TGFBR2: variants seen among roughly 807,000 people sequenced by gnomAD.
TGFBR2 encodes transforming growth factor beta receptor 2.
TGFBR2 carries 18 observed loss-of-function variants against 49.0 expected under a neutral mutation model. The observed-to-expected ratio is 0.37, with a 90% CI of 0.25 to 0.54. TGFBR2 has a LOEUF of 0.54. Ranked by LOEUF, TGFBR2 falls within the 20% of genes least tolerant of loss-of-function variation. TGFBR2 has a pLI of 0.85. For missense variants in TGFBR2, 525 were observed against 722.6 expected, an observed-to-expected ratio of 0.73 and a Z score of 3.13; for synonymous variants, 282 against 275.9, an observed-to-expected ratio of 1.02 and a Z score of -0.22.
chr3:30,651,297 T>C (rs1207770631), intron 3 of TGFBR2, among the ~76,000 whole-genome samples: 12 of 152,192 alleles, frequency 7.9e-5, no homozygotes, highest in Admixed American at 6.5e-5. Flanking sequence ...TCATCTGTAT[T>C]GACAATGTAT....
chr3:30,675,110 G>A (rs3773649), intron 5 of TGFBR2, among the ~76,000 whole-genome samples: 40,302 of 151,986 alleles, frequency 0.27, 5,552 homozygotes, highest in Admixed American at 0.35. Flanking sequence ...AACAGTTGAG[G>A]TCTACATTAC....
At chr3:30,634,491 TC>T (rs1698492321) in intron 1 of TGFBR2, among the ~76,000 whole-genome samples, 1 of 152,180 alleles carries the variant, frequency 6.6e-6, no homozygotes, top group South Asian at 2.1e-4. Flanking sequence ...TCTTATCCTG[TC>T]CCCCTTCCCT....
intron 1 of TGFBR2, among the ~76,000 whole-genome samples, chr3:30,622,834 C>T (rs1337242029): frequency 4.2e-5 from 5 of 120,118 alleles, no homozygotes; most frequent in Non-Finnish European, 4.8e-5. Flanking sequence ...GATCCGATAT[C>T]GCACCACTGC....
At chr3:30,649,207 G>C (rs531382013) in intron 2 of TGFBR2, among the ~76,000 whole-genome samples, 3 of 152,132 alleles carry the variant, frequency 2.0e-5, no homozygotes, top group African/African-American at 4.8e-5. Flanking sequence ...AAGACAACAG[G>C]TATTTTGCAT....
chr3:30,618,160 G>A (rs6802220), intron 1 of TGFBR2, among the ~76,000 whole-genome samples: 78,966 of 151,636 alleles, frequency 0.52, 21,658 homozygotes, highest in East Asian at 0.77. Flanking sequence ...TGAGTCTTTT[G>A]TCCACTGATT....
At chr3:30,634,446 T>C (rs1698490734) in intron 1 of TGFBR2, among the ~76,000 whole-genome samples, 1 of 152,200 alleles carries the variant, frequency 6.6e-6, no homozygotes, top group South Asian at 2.1e-4. Context: ...AAAAATTCCC[T>C]AGAAGAACTT....
chr3:30,606,624 A>G lies in TGFBR2; in HGVS notation c.-260A>G, dbSNP rs1482247843. On this transcript the variant is annotated 5_prime_UTR_variant, in exon 1 of 7. Coordinates refer to ENST00000295754, the MANE Select transcript of TGFBR2 (RefSeq NM_003242.6). ...TCACTCGCGCGCACGGAGCGACGAC[A>G]CCCCCGCGCGTGCACCCGCTCGGGA... is the stretch of plus-strand genomic sequence containing the variant. The G allele has an allele frequency of 1.1e-5, 4 of 360,334 alleles. No individual in the cohort carries two copies. Among genetic ancestry groups the G allele is most frequent in the Middle Eastern group, 7.2e-4 (1 of 1,398 alleles). 22.3% of individuals were successfully genotyped at this position (360,334 alleles called of 1,614,324 possible). A position where few individuals can be genotyped will look rare whatever the true frequency, so the allele number is the denominator to read the frequency against.
intron 3 of TGFBR2, among the ~76,000 whole-genome samples, chr3:30,666,634 C>A: frequency 8.3e-6 from 1 of 120,470 alleles, no homozygotes. Flanking sequence ...CAACCCCTAC[C>A]CCCCCATCCC....
intron 1 of TGFBR2, among the ~76,000 whole-genome samples, chr3:30,634,029 A>C (rs1177339064): frequency 1.3e-5 from 2 of 152,250 alleles, no homozygotes; most frequent in East Asian, 3.8e-4. Context: ...CAATATTTTC[A>C]CATGTTTAAT....
chr3:30,666,806 ATTT>A (rs5847639), intron 3 of TGFBR2, among the ~76,000 whole-genome samples: 1 of 147,522 alleles, frequency 6.8e-6, no homozygotes, highest in Non-Finnish European at 1.5e-5. Flanking sequence ...TGTCTGGCTA[ATTT>A]TTTTTTTTTT....
intron 6 of TGFBR2, among the ~76,000 whole-genome samples, chr3:30,690,622 C>T (rs1699693388): frequency 6.6e-6 from 1 of 152,092 alleles, no homozygotes; most frequent in Admixed American, 6.5e-5. Flanking sequence ...GGGTAATCAG[C>T]CCTGTTAAAA....
At chr3:30,665,327 T>C (rs1043152452) in intron 3 of TGFBR2, among the ~76,000 whole-genome samples, 4 of 152,206 alleles carry the variant, frequency 2.6e-5, no homozygotes, top group African/African-American at 4.8e-5. Context: ...AGAATACTTA[T>C]TTACTAAGTA....
intron 1 of TGFBR2, among the ~76,000 whole-genome samples, chr3:30,619,098 G>GA (rs201591500): frequency 1.4e-4 from 21 of 150,090 alleles, no homozygotes; most frequent in South Asian, 2.1e-4. Context: ...TACTTGGCAA[G>GA]AAAAAAAAAC....
rs905322537 is a variant in TGFBR2, at chr3:30,676,780, C to G, written c.1396+2534C>G. The stretch of plus-strand genomic sequence containing the variant: ...ACCTCACATGTTTTCCTGAGACCCC[C>G]GCATGGGGATGGCACTTCCTATCTA... On this transcript the variant is annotated intron_variant, in intron 5 of 6. Transcript: ENST00000295754. The surrounding 1 kb of genome is among the most constrained non-coding windows in gnomAD (Gnocchi z 4.3). Among the ~76,000 whole-genome samples the G allele has an allele frequency of 6.6e-6, 1 of 152,184 alleles. No homozygotes were observed. Among genetic ancestry groups the G allele is most frequent in the Non-Finnish European group, 1.5e-5 (1 of 68,036 alleles).
chr3:30,654,830 G>A (rs1698964708), intron 3 of TGFBR2, among the ~76,000 whole-genome samples: 1 of 152,222 alleles, frequency 6.6e-6, no homozygotes. Context: ...CACTGAACCT[G>A]TAAGAATCAA....
intron 1 of TGFBR2, among the ~76,000 whole-genome samples, chr3:30,619,149 C>G (rs1020442873): frequency 3.3e-5 from 5 of 151,990 alleles, no homozygotes; most frequent in African/African-American, 1.2e-4. Context: ...ATGGTGATTC[C>G]TGTTGCATCA....
In TGFBR2 at chr3:30,671,861, C is replaced by T. The variant is rs147111149; in HGVS notation, c.678C>T (p.Asp226=). The change falls in exon 4 of 7, where the codon GAC becomes GAT. Residue 226 remains aspartate, a synonymous_variant. Coordinates refer to ENST00000295754, the MANE Select transcript of TGFBR2 (RefSeq NM_003242.6). ...TCATCCTGGAAGATGACCGCTCTGA[C>T]ATCAGCTCCACGTGTGCCAACAACA... ...CAIILEDDRS[D]ISSTCANNIN... is the part of the protein sequence containing the mutation. 3.5e-5 allele frequency: 56 copies of T among 1,614,126 alleles called. No homozygotes were observed. In the African/African-American group the frequency reaches 6.5e-4, roughly 19 times the overall value.
intron 2 of TGFBR2, among the ~76,000 whole-genome samples, chr3:30,648,956 T>C (rs1281426923): frequency 6.6e-6 from 1 of 152,220 alleles, no homozygotes; most frequent in Non-Finnish European, 1.5e-5. Context: ...GCATCTTTTA[T>C]AGGTGCAAGC....
chr3:30,636,156 T>TGTGTGC (rs1698525469), intron 1 of TGFBR2, among the ~76,000 whole-genome samples: 1 of 10,284 alleles, frequency 9.7e-5, no homozygotes, highest in Admixed American at 1.4e-3. Flanking sequence ...TATATATGTA[T>TGTGTGC]GTGTGTGTGT....
Sources: allele counts gnomAD v4.1 joint callset (sites outside exome capture counted in the v4.1 genomes callset), GRCh38; gene constraint gnomAD v4.1.1; non-coding constraint Gnocchi (gnomAD v3.1); transcripts MANE v1.5; gene names NCBI Gene and HGNC (gene_info 2026-07-23, HGNC 2026-07-21).